The following MANEA variants were observed in gnomAD, a reference collection of about 807,000 sequenced individuals.
MANEA encodes glycoprotein endo-alpha-1,2-mannosidase.
In MANEA, 25 loss-of-function variants were observed where a neutral mutation model predicts 36.8. The observed-to-expected ratio is 0.68, with a 90% CI of 0.50 to 0.95. The LOEUF (loss-of-function observed/expected upper bound fraction) is 0.95, where lower values mean the gene tolerates loss of function less well. MANEA is among the 40% of genes least tolerant of loss of function. The probability of loss-of-function intolerance (pLI) is 0.00; values close to 1 mark genes in which losing one functional copy is unlikely to be tolerated. For synonymous variants in MANEA, 198 were observed against 188.5 expected (o/e 1.05, Z -0.41); for missense variants, 565 against 558.8 (o/e 1.01, Z -0.11).
rs1035632590 is a variant in MANEA, at chr6:95,607,115, C to T, written c.*710C>T. 3.9e-5 allele frequency: 6 copies of T among 152,210 alleles called. No individual in the cohort carries two copies. The highest frequency in any genetic ancestry group is 6.8e-3 in the Middle Eastern group (2 of 294). The allele number at this position is 152,210 out of a possible 1,614,324, so 9.4% of individuals were successfully genotyped here. On this transcript the variant is annotated 3_prime_UTR_variant, in exon 5 of 5. Coordinates refer to ENST00000358812, the MANE Select transcript of MANEA (RefSeq NM_024641.4). ...TGCAGATTTGTGGTTACCTATACCACGCTAGGTGTTTTGACATGTTTAGTG... is the reference window on the plus strand; with the variant it reads ...TGCAGATTTGTGGTTACCTATACCATGCTAGGTGTTTTGACATGTTTAGTG...
At chr6:95,598,856 GAGA>G (rs1050915415) in intron 3 of MANEA, among the ~76,000 whole-genome samples, 22 of 152,118 alleles carry the variant, frequency 1.4e-4, no homozygotes, top group African/African-American at 5.1e-4. Flanking sequence ...AGGGAATTTT[GAGA>G]AGAAGTGTTT....
In MANEA at chr6:95,604,915, C is replaced by T. The variant is rs761874761; in HGVS notation, c.731+12C>T. On this transcript the variant is annotated intron_variant, in intron 4 of 4. Transcript: ENST00000358812. ...TATATTATAGACAAGTGAGTTTCTT[C>T]AATATTTATAAATATTGTTATATTA... 1 of 1,070,682 alleles carries T rather than the reference C, an allele frequency of 9.3e-7. No homozygotes were observed. The highest frequency in any genetic ancestry group is 1.3e-6 in the Non-Finnish European group (1 of 754,420). 66.3% of individuals were successfully genotyped at this position (1,070,682 alleles called of 1,614,324 possible). A position where few individuals can be genotyped will look rare whatever the true frequency, so the allele number is the denominator to read the frequency against.
At chr6:95,605,662 A>C in intron 4 of MANEA, 86 bp from the exon 5 acceptor site, 58 of 806,410 alleles carry the variant, frequency 7.2e-5, no homozygotes, top group Non-Finnish European at 1.1e-4. Context: ...AACTGCACTG[A>C]CTCCTTCATT....
At chr6:95,587,112 T>A in intron 2 of MANEA, 129 bp downstream of exon 2, 1 of 635,408 alleles carries the variant, frequency 1.6e-6, no homozygotes, top group Non-Finnish European at 2.8e-6. Context: ...ACCTCCAAAT[T>A]AAACTGTATG....
chr6:95,604,061 G>GGGGTGTGTGTGTGTGTGTGTGTGTGT (rs369467389), intron 3 of MANEA, among the ~76,000 whole-genome samples: 3 of 138,320 alleles, frequency 2.2e-5, no homozygotes, highest in Admixed American at 1.5e-4. Context: ...TATGTATGTA[G>GGGGTGTGTGTGTGTGTGTGTGTGTGT]GTGTGTGTGT....
chr6:95,594,223 T>C (rs566219122), intron 2 of MANEA, among the ~76,000 whole-genome samples: 1 of 152,342 alleles, frequency 6.6e-6, no homozygotes, highest in African/African-American at 2.4e-5. Context: ...AGTGGAATTT[T>C]ATGTGTGTAC....
chr6:95,588,524 A>ATG (rs1303952129), intron 2 of MANEA, among the ~76,000 whole-genome samples: 4 of 151,892 alleles, frequency 2.6e-5, no homozygotes, highest in African/African-American at 9.7e-5. Context: ...GTCAATATGT[A>ATG]TGTGTGTGTG....
chr6:95,584,032 C>T (rs565232085), intron 1 of MANEA, among the ~76,000 whole-genome samples: 9 of 152,150 alleles, frequency 5.9e-5, no homozygotes, highest in African/African-American at 2.2e-4. Context: ...TATCACTTCC[C>T]TAAGAATACT....
intron 1 of MANEA, among the ~76,000 whole-genome samples, chr6:95,578,809 A>T (rs1032541637): frequency 6.6e-6 from 1 of 152,224 alleles, no homozygotes; most frequent in Non-Finnish European, 1.5e-5. Flanking sequence ...TTTATTAGGT[A>T]CATAATCCTT....
intron 1 of MANEA, among the ~76,000 whole-genome samples, chr6:95,581,813 T>G (rs1769188740): frequency 6.6e-6 from 1 of 152,124 alleles, no homozygotes; most frequent in Non-Finnish European, 1.5e-5. Context: ...CCTTTCTCTG[T>G]AACTCTTCCA....
chr6:95,606,029 G>A lies in MANEA; in HGVS notation c.1013G>A (p.Trp338Ter). The A allele has an allele frequency of 1.9e-6, 3 of 1,613,802 alleles. No homozygotes were observed. The highest frequency in any genetic ancestry group is 2.5e-6 in the Non-Finnish European group (3 of 1,179,938). The change falls in exon 5 of 5, where the codon TGG (tryptophan) becomes TAG (stop). Residue 338 changes from tryptophan to a stop codon, truncating the protein, a stop_gained. Coordinates refer to ENST00000358812, the MANE Select transcript of MANEA (RefSeq NM_024641.4). LOFTEE classifies it high-confidence loss of function. ...GFTYGSSHQN[W>*]ASLKLFCDKY... ...ACTTATGGCTCATCACATCAGAATT[G>A]GGCTAGCCTAAAATTATTTTGTGAT...
chr6:95,589,270 T>C (rs1424651812), intron 2 of MANEA, among the ~76,000 whole-genome samples: 1 of 152,150 alleles, frequency 6.6e-6, no homozygotes, highest in African/African-American at 2.4e-5. Flanking sequence ...AGGCATTCTT[T>C]GGATTGAAGA....
At chr6:95,601,264 G>A (rs888296958) in intron 3 of MANEA, among the ~76,000 whole-genome samples, 6 of 152,082 alleles carry the variant, frequency 3.9e-5, no homozygotes, top group Non-Finnish European at 5.9e-5. Flanking sequence ...ACACAGCAAC[G>A]GAACAATTTT....
chr6:95,580,584 G>T (rs1021277128), intron 1 of MANEA, among the ~76,000 whole-genome samples: 1 of 151,916 alleles, frequency 6.6e-6, no homozygotes, highest in South Asian at 2.1e-4. Flanking sequence ...AATTAGCCAG[G>T]CGTGGTGGCA....
chr6:95,601,947 T>G (rs1252348429), intron 3 of MANEA, among the ~76,000 whole-genome samples: 1 of 152,156 alleles, frequency 6.6e-6, no homozygotes, highest in South Asian at 2.1e-4. Context: ...CTTATGCAGA[T>G]TTCAACCATG....
In MANEA at chr6:95,608,642, G is replaced by T. The variant is rs1769761470; in HGVS notation, c.*2237G>T. 6.6e-6 allele frequency: 1 copy of T among 151,688 alleles called. No individual in the cohort carries two copies. Among genetic ancestry groups the T allele is most frequent in the South Asian group, 2.1e-4 (1 of 4,822 alleles). 9.4% of individuals were successfully genotyped at this position (151,688 alleles called of 1,614,324 possible). A position where few individuals can be genotyped will look rare whatever the true frequency, so the allele number is the denominator to read the frequency against. ...ATAATTACTAGTTTATATTAATATA[G>T]TTTTTTTCTCCCTTTTTAATAAAAT... On this transcript the variant is annotated 3_prime_UTR_variant, in exon 5 of 5. Transcript: ENST00000358812.
Position 95,579,585 on chromosome 6 carries a change from A to T in MANEA, c.-39+1947A>T, listed in dbSNP as rs188676603. Among the ~76,000 whole-genome samples, 297 of 152,234 alleles carry T rather than the reference A, an allele frequency of 2.0e-3. 1 individual carries two copies. Among genetic ancestry groups the T allele is most frequent in the Middle Eastern group, 0.014 (4 of 294 alleles). On this transcript the variant is annotated intron_variant, in intron 1 of 4. Coordinates refer to ENST00000358812, the MANE Select transcript of MANEA (RefSeq NM_024641.4). ...ATTAGAAGAAAACAATATATTTTTT[A>T]AAAAAAGCACCAGAAGTCTGTGTGA...
At chr6:95,600,195 C>T (rs1769561827) in intron 3 of MANEA, among the ~76,000 whole-genome samples, 1 of 152,168 alleles carries the variant, frequency 6.6e-6, no homozygotes, top group Admixed American at 6.5e-5. Flanking sequence ...TGCCAGCATA[C>T]TTGATCTCTC....
At position 95,586,816 on chromosome 6, in the gene MANEA, C is replaced by T; in HGVS notation, c.377C>T (p.Pro126Leu). ...FDGKYIHWNH[P>L]VLEHWDPRIA... ...GGTAAATATATACATTGGAATCATC[C>T]AGTGTTAGAGCATTGGGACCCTAGA... The change falls in exon 2 of 5, where the codon CCA becomes CTA. Residue 126 changes from proline to leucine, a missense_variant. Physicochemically the swap from Pro to Leu is moderately conservative, Grantham distance 98 (BLOSUM62 -3). Transcript: ENST00000358812. 1 of 1,613,870 alleles carries T rather than the reference C, an allele frequency of 6.2e-7. No homozygotes were observed. Among genetic ancestry groups the T allele is most frequent in the Non-Finnish European group, 8.5e-7 (1 of 1,179,880 alleles).
Sources: allele counts gnomAD v4.1 joint callset (sites outside exome capture counted in the v4.1 genomes callset), GRCh38; gene constraint gnomAD v4.1.1; transcripts MANE v1.5; gene names NCBI Gene and HGNC (gene_info 2026-07-23, HGNC 2026-07-21).